Variants in SCOC observed in about 807,000 individuals in gnomAD.
SCOC encodes short coiled coil protein.
Under a neutral mutation model 9.9 loss-of-function variants are expected in SCOC, and 7 were observed. The observed-to-expected ratio is 0.71, with a 90% CI of 0.40 to 1.33. SCOC has a LOEUF of 1.33. SCOC is among the 40% of genes most tolerant of loss of function. The probability of loss-of-function intolerance (pLI) is 0.01; values close to 1 mark genes in which losing one functional copy is unlikely to be tolerated. For missense variants in SCOC, 66 were observed against 89.7 expected (o/e 0.74, Z 1.07); for synonymous variants, 19 against 28.2 (o/e 0.67, Z 1.03).
At chr4:140,257,854 T>G (rs760312046) in intron 1 of SCOC, among the ~76,000 whole-genome samples, 11 of 152,188 alleles carry the variant, frequency 7.2e-5, no homozygotes, top group Non-Finnish European at 1.5e-4. Context: ...GCTGGAGGAA[T>G]CCATACACCA....
chr4:140,263,796 G>A (rs1335871365), intron 1 of SCOC, among the ~76,000 whole-genome samples: 1 of 152,122 alleles, frequency 6.6e-6, no homozygotes, highest in South Asian at 2.1e-4. Flanking sequence ...GCTAAGAACC[G>A]AGCTCCGAGG....
intron 1 of SCOC, among the ~76,000 whole-genome samples, chr4:140,297,732 A>C (rs937509325): frequency 2.0e-5 from 3 of 152,192 alleles, no homozygotes; most frequent in African/African-American, 7.2e-5. Flanking sequence ...TCAAAGGAAA[A>C]AAACAATATG....
chr4:140,340,740 A>G (rs1393359662), upstream of SCOC, among the ~76,000 whole-genome samples: 1 of 147,158 alleles, frequency 6.8e-6, no homozygotes, highest in Non-Finnish European at 1.5e-5. Flanking sequence ...TTCCATTATA[A>G]CTTTTGCTCA....
At position 140,373,729 on chromosome 4, in the gene SCOC, C is replaced by G. The variant is rs1006251048; in HGVS notation, c.-51+12C>G. ...GCCTCAAGCGGAAGGTGAGGGCCGT[C>G]CCGGGCAGCGGAGGGCCTGGCCCCA... On this transcript the variant is annotated intron_variant, in intron 1 of 3. Transcript: ENST00000608372. 2.6e-6 allele frequency: 4 copies of G among 1,544,046 alleles called. No individual in the cohort carries two copies. Among genetic ancestry groups the G allele is most frequent in the African/African-American group, 2.7e-5 (2 of 72,956 alleles).
upstream of SCOC, among the ~76,000 whole-genome samples, chr4:140,371,190 T>G (rs867850956): frequency 9.9e-5 from 15 of 152,228 alleles, no homozygotes; most frequent in South Asian, 1.0e-3. Flanking sequence ...TGGCCTGAAT[T>G]CTTTATATTT....
At chr4:140,296,348 A>T (rs376288460) in intron 1 of SCOC, among the ~76,000 whole-genome samples, 1 of 152,242 alleles carries the variant, frequency 6.6e-6, no homozygotes, top group East Asian at 1.9e-4. Flanking sequence ...AAAATAAGCC[A>T]CAGTTTATGT....
At chr4:140,334,749 T>C (rs563048047) in intron 1 of SCOC, among the ~76,000 whole-genome samples, 2 of 152,126 alleles carry the variant, frequency 1.3e-5, no homozygotes, top group Admixed American at 1.3e-4. Context: ...CCCCACCATT[T>C]CTCTTCCCCT....
chr4:140,345,754 T>C (rs984813345), intron 2 of SCOC, among the ~76,000 whole-genome samples: 3 of 152,144 alleles, frequency 2.0e-5, no homozygotes, highest in Non-Finnish European at 4.4e-5. Context: ...CATATACATA[T>C]ATATATGTAA....
chr4:140,347,037 T>C (rs999951094), intron 2 of SCOC, among the ~76,000 whole-genome samples: 2 of 152,172 alleles, frequency 1.3e-5, no homozygotes, highest in African/African-American at 4.8e-5. Flanking sequence ...GAACAGATAA[T>C]GAGGGCGGCA....
At chr4:140,380,577 GCTTGGAAACTGA>G (rs1728536221) in intron 3 of SCOC, among the ~76,000 whole-genome samples, 1 of 152,070 alleles carries the variant, frequency 6.6e-6, no homozygotes, top group Non-Finnish European at 1.5e-5. Flanking sequence ...ATGATAAGTT[GCTTGGAAACTGA>G]CTGCCTGTAT....
At chr4:140,341,065 G>T (rs931786165), upstream of SCOC, among the ~76,000 whole-genome samples, 5 of 151,898 alleles carry the variant, frequency 3.3e-5, no homozygotes, top group African/African-American at 1.2e-4. Flanking sequence ...CAAAGTGCTG[G>T]GATTACAGGC....
chr4:140,262,186 G>T lies in SCOC; in HGVS notation c.-19+4776G>T, dbSNP rs1446286586. Reference sequence around the variant, plus strand: ...CAGGGTCTCTATTAGACCTATGAAAGAAAGGCTTTTTGTACTAGACTAGTG... The same window carrying T: ...CAGGGTCTCTATTAGACCTATGAAATAAAGGCTTTTTGTACTAGACTAGTG... On this transcript the variant is annotated intron_variant, in intron 1 of 4. Coordinates refer to the SCOC transcript ENST00000394205. 4.6e-5 allele frequency among the ~76,000 whole-genome samples: 7 copies of T among 152,184 alleles called. No individual in the cohort carries two copies. The East Asian group carries it at 1.3e-3, about 29-fold the overall frequency.
chr4:140,380,096 T>G (rs10010302), intron 3 of SCOC, among the ~76,000 whole-genome samples: 2 of 151,814 alleles, frequency 1.3e-5, no homozygotes, highest in African/African-American at 2.4e-5. Context: ...GGTGCCACAG[T>G]GAGCAGATCA....
chr4:140,332,567 C>T (rs940582445), intron 1 of SCOC, among the ~76,000 whole-genome samples: 18 of 151,866 alleles, frequency 1.2e-4, no homozygotes, highest in African/African-American at 3.9e-4. Flanking sequence ...TTAGTAGAGA[C>T]GGGTTTTCAC....
upstream of SCOC, among the ~76,000 whole-genome samples, chr4:140,339,680 G>A (rs1454502705): frequency 6.6e-6 from 1 of 152,202 alleles, no homozygotes; most frequent in East Asian, 1.9e-4. Context: ...CATTTATGCA[G>A]CCAAAAGACA....
intron 1 of SCOC, among the ~76,000 whole-genome samples, chr4:140,327,438 G>GA (rs67235727): frequency 3.3e-5 from 5 of 151,832 alleles, no homozygotes; most frequent in East Asian, 1.9e-4. Flanking sequence ...TTTCAATACT[G>GA]AAAAAAAAAA....
At chr4:140,287,028 CAT>C (rs376081892) in intron 1 of SCOC, among the ~76,000 whole-genome samples, 116 of 152,016 alleles carry the variant, frequency 7.6e-4, no homozygotes, top group Non-Finnish European at 1.2e-3. Flanking sequence ...ATATACCACA[CAT>C]GTGTACACAC....
intron 1 of SCOC, among the ~76,000 whole-genome samples, chr4:140,264,962 G>A (rs567623720): frequency 6.6e-6 from 1 of 152,244 alleles, no homozygotes; most frequent in East Asian, 1.9e-4. Flanking sequence ...AGGCCTCTAC[G>A]CATCATGAGG....
At chr4:140,280,428 C>T (rs940102902) in intron 1 of SCOC, among the ~76,000 whole-genome samples, 6 of 152,234 alleles carry the variant, frequency 3.9e-5, no homozygotes, top group African/African-American at 1.4e-4. Context: ...TGCGCCTGGC[C>T]ATGTTGTGAT....
Sources: allele counts gnomAD v4.1 joint callset (sites outside exome capture counted in the v4.1 genomes callset), GRCh38; gene constraint gnomAD v4.1.1; transcripts MANE v1.5; gene names NCBI Gene and HGNC (gene_info 2026-07-23, HGNC 2026-07-21).